HEXA: variants seen among roughly 807,000 people sequenced by gnomAD.
The protein encoded by HEXA is hexosaminidase subunit alpha.
HEXA carries 54 observed loss-of-function variants against 73.3 expected under a neutral mutation model. The ratio of observed to expected loss-of-function variants is 0.74; its 90% CI spans 0.59 to 0.92. The LOEUF is 0.92. Among genes scored for constraint, HEXA ranks in the 40% least tolerant of loss-of-function variants. The pLI is 0.00. For synonymous variants in HEXA, 230 were observed against 246.9 expected, an observed-to-expected ratio of 0.93 and a Z score of 0.64; for missense variants, 649 against 653.0, an observed-to-expected ratio of 0.99 and a Z score of 0.07.
intron 10 of HEXA, 179 bp from the exon 11 acceptor site, chr15:72,346,889 A>G (rs2088622476): frequency 4.5e-6 from 3 of 671,304 alleles, no homozygotes; most frequent in Non-Finnish European, 8.1e-6. Context: ...CAAGGAATCC[A>G]GGGCCCTAAG....
intron 1 of HEXA, chr15:72,370,747 G>C (rs1203890546): frequency 5.1e-6 from 2 of 395,158 alleles, no homozygotes; most frequent in Non-Finnish European, 8.9e-6. Context: ...TGTGAGAAGA[G>C]AGGCTGGTGG....
rs549589497 is a variant in HEXA at position 72,352,503 on chromosome 15, G to A, written c.570+565C>T. 2.6e-5 allele frequency among the ~76,000 whole-genome samples: 4 copies of A among 151,372 alleles called. No individual in the cohort carries two copies. In the East Asian group the frequency reaches 7.8e-4, roughly 30 times the overall value. On this transcript the variant is annotated intron_variant, in intron 5 of 13. Transcript: ENST00000268097. ...CTCAAAAACAAATATAGTTAGCTCT[G>A]CCAATGAAGCCAATTCCCCTAAACA...
chr15:72,347,766 G>A lies in HEXA; in HGVS notation c.1074-8C>T, dbSNP rs2140321914. 6.2e-7 allele frequency: 1 copy of A among 1,613,486 alleles called. No individual in the cohort carries two copies. The highest frequency in any genetic ancestry group is 8.5e-7 in the Non-Finnish European group (1 of 1,179,364). On this transcript the variant is annotated splice_region_variant and splice_polypyrimidine_tract_variant and intron_variant, in intron 9 of 13. Transcript: ENST00000268097. ...GAGACGATGTCCAGCAGCCTGGAGA[G>A]GAGAGGAGTGTCTAGTAAGTGTCTG...
Position 72,349,269 on chromosome 15 carries a change from G to A in HEXA, c.806-10C>T. ...AGTAATCCAGGGATACCTAAGCCAA[G>A]AGAAAACCCCATATGAGTGTCACAA... is the stretch of plus-strand genomic sequence containing the variant. On this transcript the variant is annotated splice_polypyrimidine_tract_variant and intron_variant, in intron 7 of 13. Transcript: ENST00000268097. The A allele has an allele frequency of 1.9e-6, 3 of 1,611,920 alleles. No homozygotes were observed. Among genetic ancestry groups the A allele is most frequent in the African/African-American group, 1.3e-5 (1 of 74,998 alleles).
intron 1 of HEXA, among the ~76,000 whole-genome samples, chr15:72,365,593 A>G (rs1258627175): frequency 6.6e-6 from 1 of 152,128 alleles, no homozygotes; most frequent in African/African-American, 2.4e-5. Flanking sequence ...AATTATAATA[A>G]TAGTTTCCTT....
At chr15:72,368,516 G>A (rs2088946563) in intron 1 of HEXA, among the ~76,000 whole-genome samples, 1 of 152,198 alleles carries the variant, frequency 6.6e-6, no homozygotes, top group African/African-American at 2.4e-5. Context: ...TCAAGTGCCA[G>A]ACAATAAATG....
intron 9 of HEXA, 50 bp from the exon 10 acceptor site, chr15:72,347,808 T>C (rs1306748989): frequency 6.5e-7 from 1 of 1,548,494 alleles, no homozygotes. Flanking sequence ...TCAGATGGGT[T>C]CTAGACTGTT....
chr15:72,375,500 T>C (rs972092294), intron 1 of HEXA, among the ~76,000 whole-genome samples: 1 of 152,364 alleles, frequency 6.6e-6, no homozygotes, highest in South Asian at 2.1e-4. Flanking sequence ...CTTAGATTTC[T>C]GCTGGCACAG....
chr15:72,349,263 A>C lies in HEXA; in HGVS notation c.806-4T>G. The C allele has an allele frequency of 6.2e-7, 1 of 1,613,328 alleles. No individual in the cohort carries two copies. The highest frequency in any genetic ancestry group is 8.5e-7 in the Non-Finnish European group (1 of 1,179,458). ...GGAGTCAGTAATCCAGGGATACCTAAGCCAAGAGAAAACCCCATATGAGTG... is the reference window on the plus strand; with the variant it reads ...GGAGTCAGTAATCCAGGGATACCTACGCCAAGAGAAAACCCCATATGAGTG... On this transcript the variant is annotated splice_region_variant and splice_polypyrimidine_tract_variant and intron_variant, in intron 7 of 13. Transcript: ENST00000268097.
intron 3 of HEXA, chr15:72,354,071 G>A: frequency 2.6e-6 from 1 of 378,606 alleles, no homozygotes; most frequent in South Asian, 3.0e-5. Flanking sequence ...ATATACTCAT[G>A]AGGACAGACA....
At chr15:72,347,642 G>A (rs778960294) in intron 10 of HEXA, 44 bp downstream of exon 10, 2 of 1,489,620 alleles carry the variant, frequency 1.3e-6, no homozygotes, top group Non-Finnish European at 1.9e-6. Flanking sequence ...GAGACCAGAG[G>A]GAGGCACTGC....
chr15:72,346,508 G>A lies in HEXA; in HGVS notation c.1330+19C>T. ...AACCCAGCCTCCTTTGGTTAGCAAG[G>A]AGAGCTCTCTGCTTTCACCTTCAAA... On this transcript the variant is annotated intron_variant, in intron 11 of 13. Coordinates refer to ENST00000268097, the MANE Select transcript of HEXA (RefSeq NM_000520.6). 2.5e-6 allele frequency: 4 copies of A among 1,612,392 alleles called. No individual in the cohort carries two copies. Among genetic ancestry groups the A allele is most frequent in the Admixed American group, 1.7e-5 (1 of 60,020 alleles).
chr15:72,346,182 G>C (rs180761893), intron 12 of HEXA, 53 bp downstream of exon 12: 4 of 1,348,716 alleles, frequency 3.0e-6, no homozygotes, highest in Non-Finnish European at 4.2e-6. Context: ...GTCTCTAAGG[G>C]AGAACTCCTG....
chr15:72,353,870 G>A lies in HEXA; in HGVS notation c.413-133C>T, dbSNP rs192555573. On this transcript the variant is annotated intron_variant, in intron 3 of 13. Transcript: ENST00000268097. ...AAAATGGATGTAGTGTAGGCTTGAC[G>A]ATTTTTAACACTGATGAAAAGGGGA... The A allele has an allele frequency of 1.1e-3, 778 of 733,386 alleles. 9 individuals are homozygous for A. The East Asian group carries it at 0.019, about 18-fold the overall frequency. The allele number at this position is 733,386 out of a possible 1,614,324, so 45.4% of individuals were successfully genotyped here. A position where few individuals can be genotyped will look rare whatever the true frequency, so the allele number is the denominator to read the frequency against.
chr15:72,355,193 T>C (rs1003970838), intron 3 of HEXA: 2 of 348,982 alleles, frequency 5.7e-6, no homozygotes, highest in South Asian at 2.3e-5. Context: ...CCAGGGACAA[T>C]TCCACAGAGA....
At chr15:72,344,186 G>A (rs1223449468) in intron 13 of HEXA, 46 bp from the exon 14 acceptor site, 4 of 1,485,616 alleles carry the variant, frequency 2.7e-6, no homozygotes, top group African/African-American at 1.4e-5. Context: ...CCTCAGAAGG[G>A]GCCCCAGCAA....
chr15:72,359,798 G>T (rs1211309754), intron 1 of HEXA: 1 of 118,910 alleles, frequency 8.4e-6, no homozygotes, highest in Non-Finnish European at 1.8e-5. Context: ...AAAAAAAAAA[G>T]TATCTTTGGT....
intron 1 of HEXA, among the ~76,000 whole-genome samples, chr15:72,365,611 G>A (rs141034443): frequency 1.7e-3 from 258 of 152,066 alleles, no homozygotes; most frequent in African/African-American, 5.8e-3. Context: ...CTTCATTTCT[G>A]TCTAACACTT....
At position 72,343,637 on chromosome 15, in the gene HEXA, C is replaced by G. The variant is rs930392742; in HGVS notation, c.*440G>C. ...AGCCCCTACATCTTTTTCCATATAC[C>G]AACGCCTTGGAGATATAATGCAGAA... On this transcript the variant is annotated 3_prime_UTR_variant, in exon 14 of 14. Coordinates refer to ENST00000268097, the MANE Select transcript of HEXA (RefSeq NM_000520.6). 2 of 229,354 alleles carry G rather than the reference C, an allele frequency of 8.7e-6. No homozygotes were observed. Among genetic ancestry groups the G allele is most frequent in the African/African-American group, 4.5e-5 (2 of 44,468 alleles). The allele number at this position is 229,354 out of a possible 1,614,324, so 14.2% of individuals were successfully genotyped here.
Sources: gnomAD v4.1 joint callset for allele counts (sites outside exome capture counted in the v4.1 genomes callset) on GRCh38, gnomAD v4.1.1 for gene constraint, MANE v1.5 for transcripts, NCBI Gene and HGNC (gene_info 2026-07-23, HGNC 2026-07-21) for gene names.